Variants in DAGLA observed in about 807,000 individuals in gnomAD.
DAGLA encodes diacylglycerol lipase-alpha.
Under a neutral mutation model 102.6 loss-of-function variants are expected in DAGLA, and 22 were observed. That is an observed-to-expected ratio of 0.21 (90% CI 0.15 to 0.31). DAGLA has a LOEUF of 0.31. Ranked by LOEUF, DAGLA falls within the 10% of genes least tolerant of loss-of-function variation. The pLI, the probability that DAGLA is intolerant of heterozygous loss-of-function variation, is 1.00. For missense variants in DAGLA, 927 were observed against 1,446.6 expected (o/e 0.64, Z 5.83); for synonymous variants, 578 against 628.9 (o/e 0.92, Z 1.21).
intron 1 of DAGLA, among the ~76,000 whole-genome samples, chr11:61,716,959 G>A (rs1156855874): frequency 6.6e-6 from 1 of 152,114 alleles, no homozygotes; most frequent in East Asian, 1.9e-4. Flanking sequence ...GGTCCAACCA[G>A]AGGCAGGAGG....
rs1326604254 is a variant in DAGLA at position 61,729,129 on chromosome 11, T to TCCC, written c.849+125_849+127dup. 1.1e-5 allele frequency: 9 copies of TCCC among 816,678 alleles called. No homozygotes were observed. The South Asian group carries it at 1.4e-4, about 13-fold the overall frequency. The allele number at this position is 816,678 out of a possible 1,614,324, so 50.6% of individuals were successfully genotyped here. ...CCAGCCACATTGCCCCTGCCCGGTC[T>TCCC]CCCCCCGGCTCTCCAGAGAGCCTCT... is the stretch of plus-strand genomic sequence containing the variant. On this transcript the variant is annotated intron_variant, in intron 8 of 19. Coordinates refer to ENST00000257215, the MANE Select transcript of DAGLA (RefSeq NM_006133.3).
intron 8 of DAGLA, among the ~76,000 whole-genome samples, chr11:61,729,885 C>T (rs1386669571): frequency 6.7e-6 from 1 of 148,468 alleles, no homozygotes; most frequent in African/African-American, 2.5e-5. Flanking sequence ...CCAGCCTGGG[C>T]AACATAGTGA....
At position 61,743,683 on chromosome 11, in the gene DAGLA, G is replaced by C; in HGVS notation, c.2323G>C (p.Ala775Pro). 6.2e-7 allele frequency: 1 copy of C among 1,601,732 alleles called. No individual in the cohort carries two copies. The highest frequency in any genetic ancestry group is 8.5e-7 in the Non-Finnish European group (1 of 1,176,346). Residue 775 changes from alanine to proline, a missense_variant, in exon 20 of 20, where the codon GCA becomes CCA. This residue lies in a region of DAGLA where 434 missense variants were observed against 503.3 expected (regional missense o/e 0.86). Coordinates refer to ENST00000257215, the MANE Select transcript of DAGLA (RefSeq NM_006133.3). ...RLAAELQARR[A>P]PLATMESLSD... The stretch of plus-strand genomic sequence containing the variant: ...GGCGGCGGAGCTGCAGGCCCGGCGG[G>C]CACCACTGGCCACCATGGAGAGCCT...
rs1212116120 is a variant in DAGLA at position 61,737,304 on chromosome 11, C to T, written c.1494C>T (p.Ser498=). ...CGACCCTCAAGTGCTTTGCCTACTC[C>T]CCGCCAGGGGGCCTGCTGAGGTGAG... ...QYPTLKCFAY[S]PPGGLLSEDA... Residue 498 remains serine (S), a synonymous_variant, in exon 14 of 20, where the codon TCC becomes TCT. Transcript: ENST00000257215. The T allele has an allele frequency of 6.2e-7, 1 of 1,611,786 alleles. No individual in the cohort carries two copies. The highest frequency in any genetic ancestry group is 8.5e-7 in the Non-Finnish European group (1 of 1,180,022).
At chr11:61,726,160 A>C in intron 6 of DAGLA, 78 bp downstream of exon 6, 1 of 1,382,596 alleles carries the variant, frequency 7.2e-7, no homozygotes, top group Non-Finnish European at 1.0e-6. Flanking sequence ...TCCTTTGGCA[A>C]AGCAGGATGG....
chr11:61,689,101 C>T (rs186216687), intron 1 of DAGLA, among the ~76,000 whole-genome samples: 2 of 152,270 alleles, frequency 1.3e-5, no homozygotes, highest in East Asian at 3.8e-4. Context: ...TTCTGCGGGC[C>T]GGGATTACAT....
At chr11:61,729,044 C>T in intron 8 of DAGLA, 36 bp downstream of exon 8, 1 of 1,572,950 alleles carries the variant, frequency 6.4e-7, no homozygotes. Context: ...CACCCCGTCC[C>T]CATCCCTCCC....
At chr11:61,732,930 G>A (rs2065388664) in intron 9 of DAGLA, among the ~76,000 whole-genome samples, 1 of 152,188 alleles carries the variant, frequency 6.6e-6, no homozygotes, top group South Asian at 2.1e-4. Flanking sequence ...CCCTGCCCTG[G>A]ATGAGCCCCA....
At chr11:61,740,324 C>T (rs2135607631) in intron 17 of DAGLA, 139 bp from the exon 18 acceptor site, 1 of 1,138,638 alleles carries the variant, frequency 8.8e-7, no homozygotes, top group Admixed American at 2.3e-5. Flanking sequence ...GGAACAGAGC[C>T]CTGCTGCCAG....
chr11:61,739,488 C>A lies in DAGLA; in HGVS notation c.1680C>A (p.Thr560=). ...KPKWRIIVGA[T]KCIPKSELPE... ...AGTGGCGGATCATCGTGGGGGCCAC[C>A]AAATGCATCCCCAAGTCGGAGCTGC... The change falls in exon 17 of 20, where the codon ACC becomes ACA. Residue 560 remains threonine (T), a synonymous_variant. Transcript: ENST00000257215. The A allele has an allele frequency of 1.9e-6, 3 of 1,613,970 alleles. No individual in the cohort carries two copies. The highest frequency in any genetic ancestry group is 1.1e-5 in the South Asian group (1 of 91,084).
Position 61,726,095 on chromosome 11 carries a change from A to T in DAGLA, c.636+13A>T. ...GGACTCCCAGTCAGTAAGTACTGGG[A>T]GGTCGCTCCCCTCTGGCTCACATCC... On this transcript the variant is annotated intron_variant, in intron 6 of 19. Coordinates refer to ENST00000257215, the MANE Select transcript of DAGLA (RefSeq NM_006133.3). 6.2e-7 allele frequency: 1 copy of T among 1,609,244 alleles called. No homozygotes were observed. The highest frequency in any genetic ancestry group is 8.5e-7 in the Non-Finnish European group (1 of 1,179,320).
At chr11:61,689,219 G>T (rs2065006864) in intron 1 of DAGLA, among the ~76,000 whole-genome samples, 1 of 152,226 alleles carries the variant, frequency 6.6e-6, no homozygotes, top group Admixed American at 6.5e-5. Flanking sequence ...CAGAATCACT[G>T]CGCAGCCCTA....
chr11:61,707,454 C>T (rs762853465), intron 1 of DAGLA, among the ~76,000 whole-genome samples: 10 of 152,250 alleles, frequency 6.6e-5, no homozygotes, highest in Non-Finnish European at 1.5e-4. Flanking sequence ...CCTCTCCTTT[C>T]CAGTCTCTAT....
intron 14 of DAGLA, 44 bp downstream of exon 14, chr11:61,737,368 C>G: frequency 1.2e-6 from 2 of 1,603,892 alleles, no homozygotes; most frequent in Non-Finnish European, 1.7e-6. Context: ...CAGTTGGGAC[C>G]AGTGGAGGCT....
intron 8 of DAGLA, among the ~76,000 whole-genome samples, chr11:61,730,065 G>GA (rs375050067): frequency 0.013 from 1,747 of 139,026 alleles, 31 homozygotes; most frequent in African/African-American, 0.04. Flanking sequence ...TTAAAAAGAA[G>GA]AAAAAAAAAA....
chr11:61,717,148 C>T (rs1356790322), intron 1 of DAGLA, among the ~76,000 whole-genome samples: 1 of 152,140 alleles, frequency 6.6e-6, no homozygotes, highest in Non-Finnish European at 1.5e-5. Context: ...TGTGGCAGCC[C>T]CAGACCAGGA....
At chr11:61,719,269 G>T (rs955482757) in intron 1 of DAGLA, among the ~76,000 whole-genome samples, 10 of 152,242 alleles carry the variant, frequency 6.6e-5, no homozygotes, top group African/African-American at 1.9e-4. Context: ...TGAAAATCCA[G>T]CTGGAAAAGC....
At chr11:61,731,583 CTG>C (rs2065375611) in intron 9 of DAGLA, 142 bp downstream of exon 9, 2 of 1,180,748 alleles carry the variant, frequency 1.7e-6, no homozygotes, top group Non-Finnish European at 1.2e-6. Flanking sequence ...CTTTCTAGTT[CTG>C]TGTTATCCCT....
At chr11:61,692,769 G>C (rs1320763169) in intron 1 of DAGLA, among the ~76,000 whole-genome samples, 1 of 152,004 alleles carries the variant, frequency 6.6e-6, no homozygotes, top group East Asian at 1.9e-4. Context: ...TCCCCGAGTA[G>C]AGAGTTGGTT....
Sources: allele counts gnomAD v4.1 joint callset (sites outside exome capture counted in the v4.1 genomes callset), GRCh38; gene constraint gnomAD v4.1.1; regional missense constraint gnomAD v4.1.1; transcripts MANE v1.5; gene names NCBI Gene and HGNC (gene_info 2026-07-23, HGNC 2026-07-21).